COL22A1: variants seen among roughly 807,000 people sequenced by gnomAD.
COL22A1 encodes collagen alpha-1(XXII) chain.
COL22A1 carries 221 observed loss-of-function variants against 248.9 expected under a neutral mutation model. The ratio of observed to expected loss-of-function variants is 0.89; its 90% CI spans 0.80 to 0.99. The LOEUF (loss-of-function observed/expected upper bound fraction) is 0.99, where lower values mean the gene tolerates loss of function less well. COL22A1 is among the 50% of genes least tolerant of loss of function. COL22A1 has a pLI of 0.00. For synonymous variants in COL22A1, 891 were observed against 793.4 expected, an observed-to-expected ratio of 1.12 and a Z score of -2.07; for missense variants, 2,240 against 2,179.0, an observed-to-expected ratio of 1.03 and a Z score of -0.56.
chr8:138,825,375 A>G (rs1002891932), intron 6 of COL22A1, among the ~76,000 whole-genome samples: 1 of 152,194 alleles, frequency 6.6e-6, no homozygotes, highest in Non-Finnish European at 1.5e-5. Context: ...CATATGGTTA[A>G]AAGCACAGAT....
chr8:138,859,900 G>T (rs916127211), intron 3 of COL22A1, among the ~76,000 whole-genome samples: 3 of 152,200 alleles, frequency 2.0e-5, no homozygotes, highest in African/African-American at 7.2e-5. Context: ...GTGGCTGTAG[G>T]CTTTCACCTT....
chr8:138,834,579 A>G (rs6995718), intron 4 of COL22A1, among the ~76,000 whole-genome samples: 83,315 of 151,922 alleles, frequency 0.55, 23,449 homozygotes, highest in East Asian at 0.67. Context: ...TAATCACTAT[A>G]TCTTTGCTGG....
At chr8:138,798,416 TA>T (rs1404725068) in intron 11 of COL22A1, among the ~76,000 whole-genome samples, 2 of 152,018 alleles carry the variant, frequency 1.3e-5, no homozygotes, top group East Asian at 3.9e-4. Flanking sequence ...ACTTTCATGA[TA>T]TTTTTAACTG....
rs574314184 is a variant in COL22A1 at position 138,797,571 on chromosome 8, A to T, written c.1558-714T>A. Among the ~76,000 whole-genome samples the T allele has an allele frequency of 2.6e-5, 4 of 152,292 alleles. No homozygotes were observed. The South Asian group carries it at 8.3e-4, about 32-fold the overall frequency. ...TTTTTGTGAAAGTTTTTGTGTAAAC[A>T]TATCTTTGCATTTTTGAGGGGTATA... On this transcript the variant is annotated intron_variant, in intron 11 of 64. Coordinates refer to ENST00000303045, the MANE Select transcript of COL22A1 (RefSeq NM_152888.3).
rs754418670 is a variant in COL22A1 at position 138,779,518 on chromosome 8, G to A, written c.1695C>T (p.Val565=). 12 of 1,612,456 alleles carry A rather than the reference G, an allele frequency of 7.4e-6. No individual in the cohort carries two copies. Among genetic ancestry groups the A allele is most frequent in the Middle Eastern group, 1.7e-4 (1 of 6,052 alleles). The change falls in exon 14 of 65, where the codon GTC becomes GTT. Residue 565 remains valine (V), a synonymous_variant. Transcript: ENST00000303045. ...TCACAGCAACACTCACCCGCATGCCGACCTCACCCGGCAGCCCCGGCTCTC... is the reference window on the plus strand; with the variant it reads ...TCACAGCAACACTCACCCGCATGCCAACCTCACCCGGCAGCCCCGGCTCTC... ...ELGEPGLPGE[V]GMRGPQGPPG...
chr8:138,809,522 C>CTTTTTTTTTTTTTTTTTTTTTTTT (rs1405048013), intron 9 of COL22A1, among the ~76,000 whole-genome samples: 3 of 77,964 alleles, frequency 3.8e-5, no homozygotes, highest in Admixed American at 1.3e-4. Flanking sequence ...CTCTTTTTTT[C>CTTTTTTTTTTTTTTTTTTTTTTTT]TTTTTCTTTT....
intron 11 of COL22A1, among the ~76,000 whole-genome samples, chr8:138,797,341 G>T (rs1816637593): frequency 6.6e-6 from 1 of 152,026 alleles, no homozygotes; most frequent in Non-Finnish European, 1.5e-5. Context: ...TATATAAATG[G>T]AATCATATAA....
chr8:138,674,630 G>C (rs1365265795), intron 41 of COL22A1, among the ~76,000 whole-genome samples: 1 of 152,198 alleles, frequency 6.6e-6, no homozygotes, highest in Non-Finnish European at 1.5e-5. Context: ...TTCGGTGGCA[G>C]GTGGGGTGAA....
intron 23 of COL22A1, among the ~76,000 whole-genome samples, chr8:138,733,610 A>G (rs768552254): frequency 7.2e-5 from 11 of 152,216 alleles, no homozygotes; most frequent in Non-Finnish European, 1.3e-4. Flanking sequence ...CTGCTCTTTC[A>G]GGGATAGGCT....
At chr8:138,697,927 T>C (rs1227564299) in intron 32 of COL22A1, among the ~76,000 whole-genome samples, 3 of 152,206 alleles carry the variant, frequency 2.0e-5, no homozygotes, top group Non-Finnish European at 4.4e-5. Flanking sequence ...CTTGTTTGCA[T>C]CTGAGAGTGG....
chr8:138,606,197 A>T (rs1818404520), intron 58 of COL22A1, among the ~76,000 whole-genome samples, 184 bp downstream of exon 58: 1 of 152,226 alleles, frequency 6.6e-6, no homozygotes, highest in South Asian at 2.1e-4. Flanking sequence ...TGAGATTGCC[A>T]TGCAGGTGTG....
intron 18 of COL22A1, among the ~76,000 whole-genome samples, chr8:138,756,990 A>G (rs1052614416): frequency 1.3e-5 from 2 of 152,198 alleles, no homozygotes; most frequent in Non-Finnish European, 2.9e-5. Flanking sequence ...CTGCCTCAGA[A>G]ACGCTTCTCT....
At chr8:138,715,658 A>G (rs1156982106) in intron 30 of COL22A1, 24 bp downstream of exon 30, 1 of 1,587,532 alleles carries the variant, frequency 6.3e-7, no homozygotes, top group South Asian at 1.1e-5. Flanking sequence ...ATTGATGGTC[A>G]GAATGAGAGC....
chr8:138,885,494 G>T (rs1445388165), intron 1 of COL22A1, among the ~76,000 whole-genome samples: 1 of 152,154 alleles, frequency 6.6e-6, no homozygotes, highest in Non-Finnish European at 1.5e-5. Context: ...TCCCTGGAGG[G>T]TTAAGTCTAG....
At chr8:138,611,670 C>A (rs1238208742) in intron 56 of COL22A1, among the ~76,000 whole-genome samples, 1 of 152,254 alleles carries the variant, frequency 6.6e-6, no homozygotes, top group Non-Finnish European at 1.5e-5. Flanking sequence ...TCAGTGTTTT[C>A]CCCGTGGGGT....
chr8:138,655,659 C>A (rs1823183444), intron 45 of COL22A1, among the ~76,000 whole-genome samples: 1 of 152,102 alleles, frequency 6.6e-6, no homozygotes. Flanking sequence ...CTGTGCCTGG[C>A]CTGTATTTAA....
rs574245708 is a variant in COL22A1, at chr8:138,822,085, C to T, written c.970-674G>A. On this transcript the variant is annotated intron_variant, in intron 6 of 64. Transcript: ENST00000303045. ...TTTGAGATGGAGTCTCACTCTGTTG[C>T]CCAGGCTGGAGTGCAGTTGTGTGAT... Among the ~76,000 whole-genome samples, 46 of 152,148 alleles carry T rather than the reference C, an allele frequency of 3.0e-4. 1 individual carries two copies. The South Asian group carries it at 5.8e-3, about 19-fold the overall frequency.
intron 11 of COL22A1, among the ~76,000 whole-genome samples, chr8:138,800,675 A>G (rs1816924784): frequency 6.6e-6 from 1 of 152,172 alleles, no homozygotes; most frequent in Admixed American, 6.5e-5. Context: ...AATAATGATC[A>G]TAATTATGCG....
At chr8:138,797,657 T>A (rs1055257652) in intron 11 of COL22A1, among the ~76,000 whole-genome samples, 8 of 152,176 alleles carry the variant, frequency 5.3e-5, no homozygotes, top group Non-Finnish European at 1.2e-4. Context: ...ACCTAAGGGC[T>A]GCAAGGCTGT....
Sources: gnomAD v4.1 joint callset for allele counts (sites outside exome capture counted in the v4.1 genomes callset) on GRCh38, gnomAD v4.1.1 for gene constraint, MANE v1.5 for transcripts, NCBI Gene and HGNC (gene_info 2026-07-23, HGNC 2026-07-21) for gene names.